Variants in GPHN observed in about 807,000 individuals in gnomAD.
The protein encoded by GPHN is gephyrin.
In GPHN, 17 loss-of-function variants were observed where a neutral mutation model predicts 95.5. The observed-to-expected ratio is 0.18, with a 90% CI of 0.12 to 0.27. The LOEUF (loss-of-function observed/expected upper bound fraction) is 0.27, where lower values mean the gene tolerates loss of function less well. Among genes scored for constraint, GPHN ranks in the 10% least tolerant of loss-of-function variants. GPHN has a pLI of 1.00. For synonymous variants in GPHN, 320 were observed against 322.5 expected, an observed-to-expected ratio of 0.99 and a Z score of 0.08; for missense variants, 660 against 978.1, an observed-to-expected ratio of 0.67 and a Z score of 4.34.
chr14:66,544,016 C>T (rs28393025), intron 1 of GPHN, among the ~76,000 whole-genome samples: 24,812 of 152,184 alleles, frequency 0.16, 2,345 homozygotes, highest in Non-Finnish European at 0.22. Flanking sequence ...CCTAAAAGGG[C>T]GTATAGGATC....
chr14:67,142,518 A>G (rs1253618345), intron 17 of GPHN, among the ~76,000 whole-genome samples: 1 of 152,160 alleles, frequency 6.6e-6, no homozygotes, highest in Non-Finnish European at 1.5e-5. Context: ...TGCCTTTTCA[A>G]GTGACAGTCA....
chr14:67,239,139 G>T, the GPHN span, among the ~76,000 whole-genome samples: 3 of 152,190 alleles, frequency 2.0e-5, no homozygotes, highest in Non-Finnish European at 4.4e-5. Context: ...CTAGGTACTT[G>T]GCGGGTTCAT....
chr14:67,160,754 C>T (rs2081930225), intron 19 of GPHN, among the ~76,000 whole-genome samples: 1 of 152,100 alleles, frequency 6.6e-6, no homozygotes, highest in Admixed American at 6.6e-5. Flanking sequence ...GCTATGGGTA[C>T]CATCAACAAA....
At chr14:67,491,119 G>A in the GPHN span, among the ~76,000 whole-genome samples, 1 of 152,156 alleles carries the variant, frequency 6.6e-6, no homozygotes, top group African/African-American at 2.4e-5. Flanking sequence ...GGGTTCCCAT[G>A]ACCGCCTCCT....
At chr14:67,200,442 A>T in the GPHN span, 1 of 458,238 alleles carries the variant, frequency 2.2e-6, no homozygotes, top group Non-Finnish European at 3.9e-6. Flanking sequence ...CAGCACCCCC[A>T]CCCCATTCCC....
intron 6 of GPHN, among the ~76,000 whole-genome samples, chr14:66,918,878 A>T (rs1164739009): frequency 6.6e-6 from 1 of 152,130 alleles, no homozygotes; most frequent in South Asian, 2.1e-4. Flanking sequence ...AAGATTAAAC[A>T]TCTTTCCCGA....
chr14:67,659,815 C>G, the GPHN span: 1 of 1,614,046 alleles, frequency 6.2e-7, no homozygotes, highest in African/African-American at 1.3e-5. Context: ...TGCTTCTCAC[C>G]TCCCGATGGA....
intron 14 of GPHN, among the ~76,000 whole-genome samples, chr14:67,111,037 G>T (rs910368561): frequency 1.3e-5 from 2 of 152,190 alleles, no homozygotes; most frequent in Non-Finnish European, 2.9e-5. Context: ...AGAAAGTAAA[G>T]ATATATTTTA....
intron 9 of GPHN, among the ~76,000 whole-genome samples, chr14:66,977,837 C>T (rs1567173604): frequency 2.0e-5 from 3 of 152,104 alleles, no homozygotes; most frequent in South Asian, 2.1e-4. Flanking sequence ...GGTAATTACA[C>T]GGATGTCCTT....
At chr14:66,522,633 T>C (rs1490284989) in intron 1 of GPHN, among the ~76,000 whole-genome samples, 1 of 152,188 alleles carries the variant, frequency 6.6e-6, no homozygotes, top group South Asian at 2.1e-4. Context: ...AGATGATCTC[T>C]TGAAAATCTG....
At chr14:67,304,721 T>C in the GPHN span, among the ~76,000 whole-genome samples, 1 of 152,250 alleles carries the variant, frequency 6.6e-6, no homozygotes, top group African/African-American at 2.4e-5. Context: ...TTTGTGGTGA[T>C]AATTGTACAA....
the GPHN span, among the ~76,000 whole-genome samples, chr14:67,699,880 G>A: frequency 2.6e-5 from 4 of 152,146 alleles, no homozygotes; most frequent in South Asian, 2.1e-4. Flanking sequence ...GGTGGCTCAC[G>A]CCTGTACTTC....
chr14:67,004,378 C>A (rs1955608), intron 9 of GPHN, among the ~76,000 whole-genome samples: 40,402 of 151,596 alleles, frequency 0.27, 9,192 homozygotes, highest in African/African-American at 0.59. Flanking sequence ...ATTTATTTAA[C>A]ATCTATACAT....
At chr14:67,302,568 G>T in the GPHN span, 1 of 1,492,690 alleles carries the variant, frequency 6.7e-7, no homozygotes. Context: ...TTTTTGACTT[G>T]TTGGTAAGTT....
chr14:67,600,083 G>C, the GPHN span: 1 of 1,592,928 alleles, frequency 6.3e-7, no homozygotes, highest in Non-Finnish European at 8.5e-7. Flanking sequence ...ACAGCGGTGA[G>C]CGAACGCAGC....
the GPHN span, among the ~76,000 whole-genome samples, chr14:67,273,160 A>T: frequency 6.6e-6 from 1 of 150,768 alleles, no homozygotes. Flanking sequence ...GTACATGTGC[A>T]CAACGTGCAG....
intron 1 of GPHN, among the ~76,000 whole-genome samples, chr14:66,633,510 A>G (rs983946648): frequency 1.3e-5 from 2 of 152,184 alleles, no homozygotes; most frequent in African/African-American, 4.8e-5. Context: ...ATTGTGCTGT[A>G]TAAAATAAGT....
At chr14:67,709,036 T>G in the GPHN span, among the ~76,000 whole-genome samples, 1 of 152,186 alleles carries the variant, frequency 6.6e-6, no homozygotes, top group Non-Finnish European at 1.5e-5. Flanking sequence ...CATGATCCGC[T>G]GGCCTTGGCT....
the GPHN span, among the ~76,000 whole-genome samples, chr14:67,497,852 C>T: frequency 5.0e-4 from 76 of 152,104 alleles, no homozygotes; most frequent in African/African-American, 1.8e-3. Context: ...GTTACATTCT[C>T]GGTGAGTCTA....
Sources: allele counts gnomAD v4.1 joint callset (sites outside exome capture counted in the v4.1 genomes callset), GRCh38; gene constraint gnomAD v4.1.1; transcripts MANE v1.5; gene names NCBI Gene and HGNC (gene_info 2026-07-23, HGNC 2026-07-21).